PCDHGB4: variants seen among roughly 807,000 people sequenced by gnomAD.
PCDHGB4 encodes protocadherin gamma-B4.
In PCDHGB4, 38 loss-of-function variants were observed where a neutral mutation model predicts 60.5. That is an observed-to-expected ratio of 0.63 (90% confidence interval 0.48 to 0.82). The LOEUF (loss-of-function observed/expected upper bound fraction) is 0.82, where lower values mean the gene tolerates loss of function less well. Ranked by LOEUF, PCDHGB4 falls within the 40% of genes least tolerant of loss-of-function variation. The pLI is 0.00. For synonymous variants in PCDHGB4, 456 were observed against 509.7 expected, an observed-to-expected ratio of 0.89 and a Z score of 1.42; for missense variants, 1,109 against 1,209.6, an observed-to-expected ratio of 0.92 and a Z score of 1.23.
intron 1 of PCDHGB4, chr5:141,418,485 A>G (rs1216502936): frequency 6.2e-7 from 1 of 1,614,028 alleles, no homozygotes; most frequent in South Asian, 1.1e-5. Context: ...AGCGCTCACC[A>G]CTTGGTACTG....
Position 141,476,075 on chromosome 5 carries a change from G to T in PCDHGB4, c.2398-18732G>T. ...TGAAAGTTTCTCAGCGAAATCTCAG[G>T]GACGATCTGGACCCCGCTGAGAGGA... On this transcript the variant is annotated intron_variant, in intron 1 of 3. Coordinates refer to ENST00000519479, the MANE Select transcript of PCDHGB4 (RefSeq NM_003736.4). This position sits in a 1 kb window ranked among gnomAD's most constrained non-coding sequence, Gnocchi z 7.6. The T allele has an allele frequency of 6.6e-7, 1 of 1,526,282 alleles. No homozygotes were observed. The highest frequency in any genetic ancestry group is 1.3e-5 in the South Asian group (1 of 78,462). The allele number at this position is 1,526,282 out of a possible 1,614,324, so 94.5% of individuals were successfully genotyped here.
chr5:141,505,742 G>A (rs1024914690), intron 3 of PCDHGB4, among the ~76,000 whole-genome samples: 1 of 152,150 alleles, frequency 6.6e-6, no homozygotes, highest in Non-Finnish European at 1.5e-5. Flanking sequence ...TACAAGTCTA[G>A]CTCTGGAATG....
chr5:141,476,699 G>C lies in PCDHGB4; in HGVS notation c.2398-18108G>C. 1 of 1,614,222 alleles carries C rather than the reference G, an allele frequency of 6.2e-7. No individual in the cohort carries two copies. The highest frequency in any genetic ancestry group is 8.5e-7 in the Non-Finnish European group (1 of 1,180,042). ...GCGGGAGGACAGCACCAAGTACGCG[G>C]AGCTGGTGTTGGAGCGCGCCCTGGA... is the stretch of plus-strand genomic sequence containing the variant. On this transcript the variant is annotated intron_variant, in intron 1 of 3. Transcript: ENST00000519479. The surrounding 1 kb of genome is among the most constrained non-coding windows in gnomAD (Gnocchi z 7.6).
chr5:141,390,034 C>A lies in PCDHGB4; in HGVS notation c.2150C>A (p.Ser717Tyr). The A allele has an allele frequency of 1.2e-6, 2 of 1,614,066 alleles. No individual in the cohort carries two copies. The highest frequency in any genetic ancestry group is 1.7e-6 in the Non-Finnish European group (2 of 1,179,898). ...ATTGCCTTGCGCCTGCGACGCTCCT[C>A]CAGCCCCGCCTCCTGGAGCTGCTTC... ...LAIALRLRRS[S>Y]SPASWSCFQP... Residue 717 changes from serine (S) to tyrosine (Y), a missense_variant, in exon 1 of 4, where the codon TCC (serine) becomes TAC (tyrosine). Transcript: ENST00000519479.
chr5:141,408,446 G>C (rs371079756), intron 1 of PCDHGB4: 180 of 1,613,946 alleles, frequency 1.1e-4, no homozygotes, highest in Non-Finnish European at 1.5e-4. Context: ...CGCGGAGAGC[G>C]GGGACTTACT....
chr5:141,498,509 C>T (rs2099784058), intron 2 of PCDHGB4, among the ~76,000 whole-genome samples: 1 of 151,740 alleles, frequency 6.6e-6, no homozygotes, highest in East Asian at 1.9e-4. Flanking sequence ...TCCCTCCCCA[C>T]CATCTTGCCC....
At chr5:141,480,695 C>T (rs2099523656) in intron 1 of PCDHGB4, among the ~76,000 whole-genome samples, 2 of 152,146 alleles carry the variant, frequency 1.3e-5, no homozygotes, top group African/African-American at 4.8e-5. Context: ...GAAACCCAGG[C>T]CACACCCCGA....
intron 1 of PCDHGB4, chr5:141,395,325 G>T (rs1261775810): frequency 6.8e-7 from 1 of 1,473,892 alleles, no homozygotes; most frequent in Admixed American, 2.5e-5. Context: ...GAAGATAGTT[G>T]AAAATAATTT....
In PCDHGB4 at chr5:141,491,771, G is replaced by C. The variant is rs760915700; in HGVS notation, c.2398-3036G>C. ...GGAGAAGCCGCCCGTCCTCATAAGG[G>C]ATTGAACTTGCATCCACTCCTCTCC... On this transcript the variant is annotated intron_variant, in intron 1 of 3. Coordinates refer to ENST00000519479, the MANE Select transcript of PCDHGB4 (RefSeq NM_003736.4). The surrounding 1 kb of genome is among the most constrained non-coding windows in gnomAD (Gnocchi z 6.9). 6.4e-7 allele frequency: 1 copy of C among 1,558,290 alleles called. No individual in the cohort carries two copies. Among genetic ancestry groups the C allele is most frequent in the Non-Finnish European group, 8.7e-7 (1 of 1,153,586 alleles).
intron 1 of PCDHGB4, chr5:141,422,819 T>C (rs369004166): frequency 2.5e-6 from 4 of 1,614,068 alleles, no homozygotes; most frequent in Non-Finnish European, 2.5e-6. Flanking sequence ...GACTTAGAAC[T>C]GAGAGTGATA....
At chr5:141,395,423 C>A in intron 1 of PCDHGB4, 1 of 731,386 alleles carries the variant, frequency 1.4e-6, no homozygotes, top group Non-Finnish European at 2.1e-6. Context: ...GTTTCATTTG[C>A]TTTTAAACGA....
chr5:141,401,158 A>AT (rs1314149261), intron 1 of PCDHGB4, among the ~76,000 whole-genome samples: 1 of 152,194 alleles, frequency 6.6e-6, no homozygotes, highest in Non-Finnish European at 1.5e-5. Context: ...CCTGGGCAAT[A>AT]TGGTGAAAAC....
intron 1 of PCDHGB4, among the ~76,000 whole-genome samples, chr5:141,474,120 T>C (rs2099343213): frequency 6.6e-6 from 1 of 151,910 alleles, no homozygotes; most frequent in Non-Finnish European, 1.5e-5. Flanking sequence ...ACAACGAAAA[T>C]CTCAGAAAAC....
At chr5:141,423,734 T>C in intron 1 of PCDHGB4, 1 of 969,626 alleles carries the variant, frequency 1.0e-6, no homozygotes, top group Non-Finnish European at 1.3e-6. Flanking sequence ...TTTTTGAGCC[T>C]GTTATGAAAA....
At chr5:141,505,935 C>T (rs2099849264) in intron 3 of PCDHGB4, among the ~76,000 whole-genome samples, 1 of 152,146 alleles carries the variant, frequency 6.6e-6, no homozygotes, top group African/African-American at 2.4e-5. Flanking sequence ...CGCTTGGAAG[C>T]CCTCAAGCAA....
In PCDHGB4 at chr5:141,490,861, T is replaced by C. The variant is rs1465042036; in HGVS notation, c.2398-3946T>C. The C allele has an allele frequency of 1.2e-6, 2 of 1,613,816 alleles. No individual in the cohort carries two copies. Among genetic ancestry groups the C allele is most frequent in the Non-Finnish European group, 1.7e-6 (2 of 1,179,920 alleles). On this transcript the variant is annotated intron_variant, in intron 1 of 3. Coordinates refer to ENST00000519479, the MANE Select transcript of PCDHGB4 (RefSeq NM_003736.4). The surrounding 1 kb of genome is among the most constrained non-coding windows in gnomAD (Gnocchi z 5.4). Reference sequence around the variant, plus strand: ...TGTGGTGGGGGTTCGAGACTCCGGCTCTCCCCCATTGCATGCCAACACATC... The same window carrying C: ...TGTGGTGGGGGTTCGAGACTCCGGCCCTCCCCCATTGCATGCCAACACATC...
At chr5:141,500,185 TTTA>T (rs549090582) in intron 2 of PCDHGB4, among the ~76,000 whole-genome samples, 1 of 55,104 alleles carries the variant, frequency 1.8e-5, no homozygotes, top group Non-Finnish European at 3.2e-5. Flanking sequence ...CATTTTTATT[TTTA>T]TTTATTTATT....
intron 1 of PCDHGB4, among the ~76,000 whole-genome samples, chr5:141,472,980 C>CAAAAAAAAAAAAAAAAA (rs60579131): frequency 5.8e-5 from 5 of 86,060 alleles, no homozygotes; most frequent in African/African-American, 3.9e-5. Context: ...GAGTGAAACT[C>CAAAAAAAAAAAAAAAAA]AAAAAAAAAA....
At chr5:141,492,448 G>T (rs2734874) in intron 1 of PCDHGB4, among the ~76,000 whole-genome samples, 50 of 152,334 alleles carry the variant, frequency 3.3e-4, no homozygotes, top group African/African-American at 1.2e-3. Context: ...GTAGCTGATT[G>T]TGCGCGCCTG....
Sources: gnomAD v4.1 joint callset for allele counts (sites outside exome capture counted in the v4.1 genomes callset) on GRCh38, gnomAD v4.1.1 for gene constraint, Gnocchi (gnomAD v3.1) non-coding constraint, MANE v1.5 for transcripts, NCBI Gene and HGNC (gene_info 2026-07-23, HGNC 2026-07-21) for gene names.